Variants in IFTAP observed in about 807,000 individuals in gnomAD.
The protein encoded by IFTAP is intraflagellar transport associated protein.
In IFTAP, 19 loss-of-function variants were observed where a neutral mutation model predicts 19.4. That is an observed-to-expected ratio of 0.98 (90% CI 0.68 to 1.44). The LOEUF (loss-of-function observed/expected upper bound fraction) is 1.44. Among genes scored for constraint, IFTAP ranks in the 40% most tolerant of loss-of-function variants. The probability of loss-of-function intolerance (pLI) is 0.00; values close to 1 mark genes in which losing one functional copy is unlikely to be tolerated. For synonymous variants in IFTAP, 85 were observed against 83.5 expected (o/e 1.02, Z -0.10); for missense variants, 240 against 253.6 (o/e 0.95, Z 0.36).
intron 2 of IFTAP, among the ~76,000 whole-genome samples, chr11:36,630,657 G>A (rs982353864): frequency 2.6e-5 from 4 of 151,312 alleles, no homozygotes; most frequent in South Asian, 2.1e-4. Flanking sequence ...AATAGAACTC[G>A]TCCTTGTAGA....
chr11:36,644,349 A>G (rs1354998340), intron 4 of IFTAP, among the ~76,000 whole-genome samples: 5 of 152,176 alleles, frequency 3.3e-5, no homozygotes, highest in African/African-American at 7.2e-5. Flanking sequence ...TCAGGAAACA[A>G]CAGGTGCTGG....
At chr11:36,641,015 G>A (rs1853173971) in intron 4 of IFTAP, among the ~76,000 whole-genome samples, 1 of 152,056 alleles carries the variant, frequency 6.6e-6, no homozygotes. Flanking sequence ...TTTTCAGATC[G>A]TGGTGTAGTA....
intron 2 of IFTAP, among the ~76,000 whole-genome samples, chr11:36,632,228 A>G (rs1338251888): frequency 6.6e-6 from 1 of 151,248 alleles, no homozygotes; most frequent in Non-Finnish European, 1.5e-5. Flanking sequence ...AGATGCTCAC[A>G]AAAGAGTGCC....
chr11:36,652,766 C>T (rs541759591), intron 5 of IFTAP, among the ~76,000 whole-genome samples: 12 of 152,126 alleles, frequency 7.9e-5, no homozygotes, highest in Admixed American at 6.6e-4. Flanking sequence ...GCATGAAGGG[C>T]TGTTGAATTT....
intron 1 of IFTAP, among the ~76,000 whole-genome samples, chr11:36,603,468 T>C (rs890477218): frequency 6.6e-6 from 1 of 152,174 alleles, no homozygotes; most frequent in African/African-American, 2.4e-5. Flanking sequence ...AAAAAAATTA[T>C]AGATTCACAA....
intron 1 of IFTAP, among the ~76,000 whole-genome samples, chr11:36,601,104 A>T (rs948737673): frequency 3.3e-5 from 5 of 152,236 alleles, no homozygotes; most frequent in Non-Finnish European, 5.9e-5. Context: ...TTATAAATGG[A>T]GAAACAGCTT....
chr11:36,640,996 C>T (rs933283869), intron 4 of IFTAP, among the ~76,000 whole-genome samples: 2 of 152,046 alleles, frequency 1.3e-5, no homozygotes, highest in African/African-American at 4.8e-5. Context: ...CTTTGAAAAA[C>T]TCTATGATTT....
At chr11:36,610,057 A>T in intron 1 of IFTAP, 24 bp from the exon 2 acceptor site, 1 of 1,598,750 alleles carries the variant, frequency 6.3e-7, no homozygotes, top group Non-Finnish European at 8.5e-7. Context: ...GATTCTCTCT[A>T]GCTGGTATTT....
intron 2 of IFTAP, among the ~76,000 whole-genome samples, chr11:36,618,980 T>C (rs557798009): frequency 2.0e-5 from 3 of 151,950 alleles, no homozygotes; most frequent in Non-Finnish European, 4.4e-5. Flanking sequence ...CAGCACTTAG[T>C]AACAGGGTAC....
At chr11:36,641,697 T>C (rs572415648) in intron 4 of IFTAP, among the ~76,000 whole-genome samples, 15 of 152,318 alleles carry the variant, frequency 9.8e-5, no homozygotes, top group African/African-American at 3.6e-4. Flanking sequence ...CTTCCAACTA[T>C]GTGGTCAGTT....
intron 5 of IFTAP, among the ~76,000 whole-genome samples, chr11:36,654,438 G>A (rs1438432070): frequency 1.3e-5 from 2 of 151,962 alleles, no homozygotes; most frequent in African/African-American, 4.8e-5. Flanking sequence ...GTGCTGCACA[G>A]GAGCCCAAAT....
chr11:36,654,962 A>G (rs1204387352), intron 5 of IFTAP, among the ~76,000 whole-genome samples: 1 of 152,096 alleles, frequency 6.6e-6, no homozygotes, highest in Non-Finnish European at 1.5e-5. Flanking sequence ...AATTTCCAAC[A>G]GGGCAGGGCA....
chr11:36,656,387 T>C (rs926746447), intron 5 of IFTAP, among the ~76,000 whole-genome samples: 1 of 152,080 alleles, frequency 6.6e-6, no homozygotes, highest in Non-Finnish European at 1.5e-5. Flanking sequence ...CTGGCCGACA[T>C]GGCGAAACCC....
At chr11:36,633,198 T>C (rs923136391) in intron 2 of IFTAP, 86 bp from the exon 3 acceptor site, 10 of 1,235,046 alleles carry the variant, frequency 8.1e-6, no homozygotes, top group East Asian at 5.3e-5. Flanking sequence ...TTCTTTTTCA[T>C]TGGAAGAAAC....
At chr11:36,635,122 C>T (rs527576175) in intron 3 of IFTAP, among the ~76,000 whole-genome samples, 1 of 152,066 alleles carries the variant, frequency 6.6e-6, no homozygotes. Flanking sequence ...GCTATGGTCT[C>T]GCAAGTAGAG....
chr11:36,614,642 T>A (rs1470143009), intron 2 of IFTAP, among the ~76,000 whole-genome samples: 1 of 148,144 alleles, frequency 6.8e-6, no homozygotes, highest in African/African-American at 2.6e-5. Context: ...CTCCTTGTGG[T>A]TTTGATTTAC....
At chr11:36,611,903 A>AC (rs1432423528) in intron 2 of IFTAP, among the ~76,000 whole-genome samples, 1 of 152,088 alleles carries the variant, frequency 6.6e-6, no homozygotes, top group Admixed American at 6.6e-5. Context: ...CTGGACCCAA[A>AC]CAGCAATATG....
chr11:36,655,001 C>T (rs992260259), intron 5 of IFTAP, among the ~76,000 whole-genome samples: 1 of 152,086 alleles, frequency 6.6e-6, no homozygotes, highest in East Asian at 1.9e-4. Flanking sequence ...ACTCCAGCAC[C>T]TGTCTCATTG....
chr11:36,653,586 T>C (rs1367745536), intron 5 of IFTAP, among the ~76,000 whole-genome samples: 1 of 152,180 alleles, frequency 6.6e-6, no homozygotes, highest in African/African-American at 2.4e-5. Flanking sequence ...TTCCAAAGTA[T>C]GCCACAACAG....
Sources: gnomAD v4.1 joint callset for allele counts (sites outside exome capture counted in the v4.1 genomes callset) on GRCh38, gnomAD v4.1.1 for gene constraint, MANE v1.5 for transcripts, NCBI Gene and HGNC (gene_info 2026-07-23, HGNC 2026-07-21) for gene names.